Variants in ACYP2 observed in about 807,000 individuals in gnomAD.
The protein encoded by ACYP2 is acylphosphatase 2.
Under a neutral mutation model 11.2 loss-of-function variants are expected in ACYP2, and 12 were observed. That is an observed-to-expected ratio of 1.08 (90% CI 0.69 to 1.74). The LOEUF (loss-of-function observed/expected upper bound fraction) is 1.74, where lower values mean the gene tolerates loss of function less well. ACYP2 is among the 40% of genes most tolerant of loss of function. ACYP2 has a pLI of 0.00. For synonymous variants in ACYP2, 43 were observed against 32.2 expected, an observed-to-expected ratio of 1.33 and a Z score of -1.13; for missense variants, 134 against 101.9, an observed-to-expected ratio of 1.31 and a Z score of -1.35.
At position 54,090,828 on chromosome 2, in the gene ACYP2, G is replaced by A. The variant is rs1678186841; in HGVS notation, c.277+33468G>A. ...CATTGTCCTGGGCCACTCCATGCAC[G>A]GGACTTCTTCCTCTGACTCTTGAGA... is the stretch of plus-strand genomic sequence containing the variant. On this transcript the variant is annotated intron_variant, in intron 4 of 6. Coordinates refer to ENST00000607452, the MANE Select transcript of ACYP2 (RefSeq NM_001320586.2). Among the ~76,000 whole-genome samples the A allele has an allele frequency of 2.0e-5, 3 of 152,080 alleles. 1 individual carries two copies. The South Asian group carries it at 6.2e-4, about 32-fold the overall frequency.
chr2:54,053,068 C>G (rs1375135513), intron 3 of ACYP2, among the ~76,000 whole-genome samples: 1 of 152,230 alleles, frequency 6.6e-6, no homozygotes, highest in Non-Finnish European at 1.5e-5. Flanking sequence ...GTGTTTTCCT[C>G]CCTGGTCCTG....
intron 4 of ACYP2, among the ~76,000 whole-genome samples, chr2:54,128,037 A>G: frequency 6.6e-6 from 1 of 152,214 alleles, no homozygotes; most frequent in East Asian, 1.9e-4. Flanking sequence ...AAATCTTCAA[A>G]TAAGTGTTTT....
chr2:54,200,968 CATT>C (rs1191622037), intron 6 of ACYP2, among the ~76,000 whole-genome samples: 1 of 152,124 alleles, frequency 6.6e-6, no homozygotes, highest in Non-Finnish European at 1.5e-5. Context: ...AGTGGTATCT[CATT>C]ATGGTTTTGA....
chr2:54,217,749 G>A (rs1206440192), intron 6 of ACYP2, among the ~76,000 whole-genome samples: 2 of 151,940 alleles, frequency 1.3e-5, no homozygotes, highest in Non-Finnish European at 2.9e-5. Context: ...AAGATCATGG[G>A]TTAAAAAAAA....
At chr2:54,068,270 T>C (rs1676847391) in intron 4 of ACYP2, among the ~76,000 whole-genome samples, 1 of 152,222 alleles carries the variant, frequency 6.6e-6, no homozygotes, top group Non-Finnish European at 1.5e-5. Flanking sequence ...CTTTAGTATA[T>C]CTTCCTACCT....
intron 4 of ACYP2, among the ~76,000 whole-genome samples, chr2:54,095,534 C>T (rs932205303): frequency 6.7e-6 from 1 of 150,224 alleles, no homozygotes; most frequent in African/African-American, 2.4e-5. Flanking sequence ...CACCTCCCTC[C>T]CGGACGGGGC....
At chr2:54,171,490 C>T (rs141081396) in intron 6 of ACYP2, among the ~76,000 whole-genome samples, 150 of 152,270 alleles carry the variant, frequency 9.9e-4, no homozygotes, top group African/African-American at 3.4e-3. Flanking sequence ...AGGACACTAT[C>T]TTGTGTCGTT....
chr2:54,197,695 G>A (rs960509851), intron 6 of ACYP2, among the ~76,000 whole-genome samples: 4 of 152,146 alleles, frequency 2.6e-5, no homozygotes, highest in African/African-American at 7.2e-5. Context: ...CAAAGGCCCC[G>A]AGGCAGGAAC....
chr2:54,288,830 G>C (rs910782803), intron 6 of ACYP2, among the ~76,000 whole-genome samples: 1 of 151,952 alleles, frequency 6.6e-6, no homozygotes, highest in African/African-American at 2.4e-5. Flanking sequence ...GGCTCCCAAA[G>C]GTTGAGGCCT....
Position 54,048,829 on chromosome 2 carries a change from C to T in ACYP2, c.63-2129C>T, listed in dbSNP as rs370471679. ...GTGACAGACTTGGCTCTGAAATTCC[C>T]AGGGACTGCACTTTTAGGGTTTATG... is the stretch of plus-strand genomic sequence containing the variant. On this transcript the variant is annotated intron_variant, in intron 2 of 6. Coordinates refer to ENST00000607452, the MANE Select transcript of ACYP2 (RefSeq NM_001320586.2). 2.5e-4 allele frequency among the ~76,000 whole-genome samples: 38 copies of T among 152,308 alleles called. 2 individuals are homozygous for T. The highest frequency in any genetic ancestry group is 9.1e-4 in the African/African-American group (38 of 41,572).
intron 4 of ACYP2, among the ~76,000 whole-genome samples, chr2:54,060,268 C>G (rs762347301): frequency 6.6e-6 from 1 of 151,896 alleles, no homozygotes; most frequent in Non-Finnish European, 1.5e-5. Flanking sequence ...TTTTGGCTAT[C>G]TTTTTTATCT....
intron 6 of ACYP2, among the ~76,000 whole-genome samples, chr2:54,202,751 A>T (rs1313154569): frequency 1.1e-4 from 6 of 53,124 alleles, no homozygotes; most frequent in Non-Finnish European, 1.6e-4. Flanking sequence ...TTTTTTTGAG[A>T]TGAGTCTTGC....
In ACYP2 at chr2:54,139,654, A is replaced by G. The variant is rs117262346; in HGVS notation, c.404+906A>G. Reference sequence around the variant, plus strand: ...TGAGGTAGGTACTAAGTAACACTCAATTTATTTTATTGTTTGCAATTTATC... The same window carrying G: ...TGAGGTAGGTACTAAGTAACACTCAGTTTATTTTATTGTTTGCAATTTATC... On this transcript the variant is annotated intron_variant, in intron 6 of 6. Coordinates refer to ENST00000607452, the MANE Select transcript of ACYP2 (RefSeq NM_001320586.2). Among the ~76,000 whole-genome samples, 132 of 152,334 alleles carry G rather than the reference A, an allele frequency of 8.7e-4. No homozygotes were observed. The East Asian group carries it at 0.024, about 28-fold the overall frequency.
chr2:54,083,096 T>C (rs372512213), intron 4 of ACYP2, among the ~76,000 whole-genome samples: 2 of 125,872 alleles, frequency 1.6e-5, no homozygotes, highest in Non-Finnish European at 3.5e-5. Context: ...AAAAAAAAAA[T>C]AGTCACTATT....
chr2:54,178,759 C>T (rs558146114), intron 6 of ACYP2, among the ~76,000 whole-genome samples: 1 of 152,124 alleles, frequency 6.6e-6, no homozygotes, highest in East Asian at 1.9e-4. Flanking sequence ...AAAAATAGCA[C>T]CATAATTGAA....
intron 6 of ACYP2, among the ~76,000 whole-genome samples, chr2:54,258,747 T>G (rs999063525): frequency 1.3e-5 from 2 of 152,122 alleles, no homozygotes; most frequent in African/African-American, 4.8e-5. Context: ...TCAGCCTGAT[T>G]TAATGGTAAA....
At chr2:54,280,991 A>G (rs1018829093) in intron 6 of ACYP2, among the ~76,000 whole-genome samples, 3 of 152,214 alleles carry the variant, frequency 2.0e-5, no homozygotes, top group African/African-American at 7.2e-5. Context: ...ATCACCAAGA[A>G]GAGGAGGAAT....
At chr2:54,256,472 G>T (rs776466273) in intron 6 of ACYP2, among the ~76,000 whole-genome samples, 1 of 152,168 alleles carries the variant, frequency 6.6e-6, no homozygotes, top group Non-Finnish European at 1.5e-5. Context: ...ATTCTCTCTT[G>T]TGCAGTATCC....
At chr2:54,026,366 T>C (rs923469140) in intron 2 of ACYP2, among the ~76,000 whole-genome samples, 1 of 151,710 alleles carries the variant, frequency 6.6e-6, no homozygotes, top group Non-Finnish European at 1.5e-5. Context: ...AACCACAATA[T>C]GATACCAGCA....
Sources: gnomAD v4.1 joint callset for allele counts (sites outside exome capture counted in the v4.1 genomes callset) on GRCh38, gnomAD v4.1.1 for gene constraint, MANE v1.5 for transcripts, NCBI Gene and HGNC (gene_info 2026-07-23, HGNC 2026-07-21) for gene names.